The following TFPI variants were observed in gnomAD, a reference collection of about 807,000 sequenced individuals.
TFPI encodes anti-convertin.
TFPI carries 15 observed loss-of-function variants against 34.6 expected under a neutral mutation model. The ratio of observed to expected loss-of-function variants is 0.43; its 90% confidence interval spans 0.29 to 0.67. The LOEUF (loss-of-function observed/expected upper bound fraction) is 0.67, where lower values mean the gene tolerates loss of function less well. Among genes scored for constraint, TFPI ranks in the 30% least tolerant of loss-of-function variants. The pLI is 0.15. For missense variants in TFPI, 301 were observed against 364.0 expected, an observed-to-expected ratio of 0.83 and a Z score of 1.41; for synonymous variants, 105 against 120.1, an observed-to-expected ratio of 0.87 and a Z score of 0.82.
chr2:187,472,418 A>G (rs944485965), intron 6 of TFPI, among the ~76,000 whole-genome samples: 5 of 152,184 alleles, frequency 3.3e-5, no homozygotes, highest in African/African-American at 9.7e-5. Flanking sequence ...TGCAAAATCT[A>G]TATTCAATTT....
At chr2:187,499,523 C>T (rs1044577114) in intron 2 of TFPI, 1 of 151,818 alleles carries the variant, frequency 6.6e-6, no homozygotes, top group Admixed American at 6.6e-5. Context: ...GAATGCCAAG[C>T]TGACATTTTG....
chr2:187,481,516 G>T (rs1239261452), intron 6 of TFPI, among the ~76,000 whole-genome samples: 1 of 151,936 alleles, frequency 6.6e-6, no homozygotes, highest in South Asian at 2.1e-4. Flanking sequence ...GGGCAGATTC[G>T]AAATCACGTA....
chr2:187,481,768 AAC>A (rs774373913), intron 6 of TFPI, among the ~76,000 whole-genome samples: 1 of 151,990 alleles, frequency 6.6e-6, no homozygotes, highest in Non-Finnish European at 1.5e-5. Flanking sequence ...TCAAAAATAA[AAC>A]AGTTTTTTAG....
intron 2 of TFPI, among the ~76,000 whole-genome samples, chr2:187,502,649 C>T (rs1685926481): frequency 6.6e-6 from 1 of 152,094 alleles, no homozygotes; most frequent in Non-Finnish European, 1.5e-5. Flanking sequence ...AATCTCCTTC[C>T]TCTTCCCATC....
intron 1 of TFPI, among the ~76,000 whole-genome samples, chr2:187,538,821 T>G (rs981812013): frequency 6.6e-6 from 1 of 152,364 alleles, no homozygotes; most frequent in Middle Eastern, 3.4e-3. Flanking sequence ...AAATTTATGT[T>G]ACCATTCTCA....
At chr2:187,479,220 T>C (rs1210427587) in intron 6 of TFPI, among the ~76,000 whole-genome samples, 1 of 151,966 alleles carries the variant, frequency 6.6e-6, no homozygotes, top group Non-Finnish European at 1.5e-5. Context: ...CTGCAATAGA[T>C]AGAGGACTAG....
At chr2:187,518,507 T>TGCTGTTAG (rs1440353910) in intron 1 of TFPI, 1 of 152,238 alleles carries the variant, frequency 6.6e-6, no homozygotes, top group Admixed American at 6.5e-5. Context: ...CAGAGAGATC[T>TGCTGTTAG]GCTGTTAGTC....
At chr2:187,521,072 A>G (rs1018646414) in intron 1 of TFPI, among the ~76,000 whole-genome samples, 1 of 152,064 alleles carries the variant, frequency 6.6e-6, no homozygotes, top group African/African-American at 2.4e-5. Context: ...TGGTATTAGA[A>G]ACCCAGATCT....
chr2:187,482,556 T>A (rs1191493313), intron 6 of TFPI, among the ~76,000 whole-genome samples: 2 of 152,028 alleles, frequency 1.3e-5, no homozygotes, highest in East Asian at 3.9e-4. Flanking sequence ...TGAAGTCATT[T>A]TGAATATATC....
At chr2:187,512,787 G>A (rs948497530) in intron 1 of TFPI, among the ~76,000 whole-genome samples, 5 of 152,072 alleles carry the variant, frequency 3.3e-5, no homozygotes, top group South Asian at 2.1e-4. Context: ...GGGGGGCCGC[G>A]AAATTTATGT....
chr2:187,480,452 G>A (rs1470802722), intron 6 of TFPI, among the ~76,000 whole-genome samples: 1 of 152,028 alleles, frequency 6.6e-6, no homozygotes, highest in Non-Finnish European at 1.5e-5. Context: ...ATTTTACATT[G>A]GAAAGATGAA....
intron 1 of TFPI, among the ~76,000 whole-genome samples, chr2:187,529,728 T>C (rs1250744800): frequency 2.0e-5 from 3 of 152,222 alleles, no homozygotes; most frequent in Non-Finnish European, 4.4e-5. Flanking sequence ...CAAGTTTGTC[T>C]TGGAAGTGGG....
At chr2:187,492,727 G>T (rs189657720) in intron 3 of TFPI, among the ~76,000 whole-genome samples, 1 of 152,206 alleles carries the variant, frequency 6.6e-6, no homozygotes, top group Admixed American at 6.5e-5. Flanking sequence ...CTTTGTTTTG[G>T]CCAGTTTCTC....
In TFPI at chr2:187,531,588, A is replaced by G. The variant is rs1574506200; in HGVS notation, c.-3+22612T>C. ...GCATATTCCTCTTTTGATATGATTT[A>G]TATGATCATGATAATCGTACAAGTT... On this transcript the variant is annotated intron_variant, in intron 1 of 7. Coordinates refer to ENST00000233156, the MANE Select transcript of TFPI (RefSeq NM_006287.6). 2.0e-5 allele frequency among the ~76,000 whole-genome samples: 3 copies of G among 152,240 alleles called. No individual in the cohort carries two copies. In the East Asian group the frequency reaches 5.8e-4, roughly 29 times the overall value.
At chr2:187,534,277 C>A (rs903839265) in intron 1 of TFPI, among the ~76,000 whole-genome samples, 1 of 152,112 alleles carries the variant, frequency 6.6e-6, no homozygotes, top group Non-Finnish European at 1.5e-5. Context: ...TCAGATTCAA[C>A]AAGGTTGAAA....
chr2:187,482,918 G>GTA (rs1023970918), intron 6 of TFPI, among the ~76,000 whole-genome samples: 45 of 151,832 alleles, frequency 3.0e-4, no homozygotes, highest in African/African-American at 1.1e-3. Context: ...ATGCTCCCTC[G>GTA]TAGATCTCAT....
At chr2:187,494,914 A>C (rs1427171611) in intron 3 of TFPI, among the ~76,000 whole-genome samples, 1 of 151,932 alleles carries the variant, frequency 6.6e-6, no homozygotes, top group Non-Finnish European at 1.5e-5. Context: ...GTAGGGACGG[A>C]GTTTCACCAT....
intron 6 of TFPI, among the ~76,000 whole-genome samples, chr2:187,469,870 T>C (rs76073953): frequency 3.2e-3 from 486 of 152,264 alleles, no homozygotes; most frequent in Non-Finnish European, 5.1e-3. Context: ...AGGAGAGTTA[T>C]ATTGTAATTG....
At position 187,467,055 on chromosome 2, in the gene TFPI, G is replaced by A. The variant is rs768111490; in HGVS notation, c.809-13C>T. 6.8e-7 allele frequency: 1 copy of A among 1,474,118 alleles called. No homozygotes were observed. The highest frequency in any genetic ancestry group is 1.2e-5 in the South Asian group (1 of 81,382). The allele number at this position is 1,474,118 out of a possible 1,614,324, so 91.3% of individuals were successfully genotyped here. A position where few individuals can be genotyped will look rare whatever the true frequency, so the allele number is the denominator to read the frequency against. ...CTTTGGATGAAACCTATAAGAGGAA[G>A]AGGAATAAATTAATGTGTGATAAAA... is the stretch of plus-strand genomic sequence containing the variant. On this transcript the variant is annotated splice_polypyrimidine_tract_variant and intron_variant, in intron 7 of 7. Transcript: ENST00000233156.
Sources: gnomAD v4.1 joint callset for allele counts (sites outside exome capture counted in the v4.1 genomes callset) on GRCh38, gnomAD v4.1.1 for gene constraint, MANE v1.5 for transcripts, NCBI Gene and HGNC (gene_info 2026-07-23, HGNC 2026-07-21) for gene names.